The following POC1B variants were observed in gnomAD, a reference collection of about 807,000 sequenced individuals.
POC1B encodes POC1 centriolar protein homolog B.
A neutral mutation model predicts 60.6 loss-of-function variants in POC1B; 44 were observed. That is an observed-to-expected ratio of 0.73 (90% CI 0.57 to 0.93). The LOEUF (loss-of-function observed/expected upper bound fraction) is 0.93, where lower values mean the gene tolerates loss of function less well. Ranked by LOEUF, POC1B falls within the 40% of genes least tolerant of loss-of-function variation. The probability of loss-of-function intolerance (pLI) is 0.00; values close to 1 mark genes in which losing one functional copy is unlikely to be tolerated. For synonymous variants in POC1B, 180 were observed against 198.9 expected (o/e 0.90, Z 0.80); for missense variants, 555 against 572.3 (o/e 0.97, Z 0.31).
chr12:89,518,561 A>C (rs1255594744), intron 2 of POC1B, among the ~76,000 whole-genome samples: 2 of 114,014 alleles, frequency 1.8e-5, no homozygotes, highest in African/African-American at 7.4e-5. Context: ...TTTAAAGTAC[A>C]CCAGTGTTTT....
intron 4 of POC1B, chr12:89,472,772 G>C (rs941462250): frequency 6.5e-6 from 1 of 153,756 alleles, no homozygotes; most frequent in Admixed American, 6.5e-5. Context: ...GAACCTAACT[G>C]CCCATGCCTG....
At chr12:89,436,246 C>T (rs935342420) in intron 10 of POC1B, among the ~76,000 whole-genome samples, 9 of 151,796 alleles carry the variant, frequency 5.9e-5, no homozygotes, top group African/African-American at 1.7e-4. Context: ...ACACCGTGCA[C>T]GACCGCAGGA....
chr12:89,525,148 C>T lies in POC1B; in HGVS notation c.72G>A (p.Leu24=), dbSNP rs753318829. The change falls in exon 2 of 12, where the codon TTG becomes TTA. Residue 24 remains leucine, a synonymous_variant. Coordinates refer to ENST00000313546, the MANE Select transcript of POC1B (RefSeq NM_172240.3). ...GTTGCTTGCCGTTGGGGCTGAGGTC[C>T]AAGGAGGTGATCGCAGCTTTGTGGC... The part of the protein sequence containing the change: ...FKGHKAAITS[L]DLSPNGKQLA... 6.2e-7 allele frequency: 1 copy of T among 1,614,010 alleles called. No homozygotes were observed. Among genetic ancestry groups the T allele is most frequent in the South Asian group, 1.1e-5 (1 of 91,084 alleles).
Position 89,450,627 on chromosome 12 carries a change from C to T in POC1B, c.1113+9011G>A, listed in dbSNP as rs369005532. Among the ~76,000 whole-genome samples the T allele has an allele frequency of 9.9e-5, 15 of 152,210 alleles. No individual in the cohort carries two copies. The South Asian group carries it at 2.9e-3, about 29-fold the overall frequency. On this transcript the variant is annotated intron_variant, in intron 10 of 11. Coordinates refer to ENST00000313546, the MANE Select transcript of POC1B (RefSeq NM_172240.3). ...TACAAATAAACAGCAATCATGAACA[C>T]GTCAAAACTCACAAGTCACTAAAAA...
At chr12:89,477,224 C>G (rs1255797278) in intron 4 of POC1B, among the ~76,000 whole-genome samples, 1 of 152,066 alleles carries the variant, frequency 6.6e-6, no homozygotes, top group African/African-American at 2.4e-5. Flanking sequence ...AGTCAATAAG[C>G]AAAACATTTA....
At chr12:89,507,091 G>A (rs542723213) in intron 2 of POC1B, among the ~76,000 whole-genome samples, 4 of 151,344 alleles carry the variant, frequency 2.6e-5, no homozygotes, top group East Asian at 1.9e-4. Context: ...GCAACGTCTC[G>A]AAACCCCGTC....
chr12:89,523,643 G>A (rs758629788), intron 2 of POC1B: 3 of 1,538,496 alleles, frequency 1.9e-6, no homozygotes, highest in African/African-American at 1.4e-5. Context: ...GATCTGATGG[G>A]GTCAATTCTT....
At chr12:89,402,065 G>A in the POC1B span, among the ~76,000 whole-genome samples, 1 of 152,164 alleles carries the variant, frequency 6.6e-6, no homozygotes, top group Non-Finnish European at 1.5e-5. Flanking sequence ...GCTCACTGTA[G>A]GAAGCCTTGG....
At chr12:89,430,705 A>G (rs984561833) in intron 10 of POC1B, among the ~76,000 whole-genome samples, 4 of 151,958 alleles carry the variant, frequency 2.6e-5, no homozygotes, top group Admixed American at 6.6e-5. Flanking sequence ...ACTCCTTATT[A>G]TATTTGTGTT....
chr12:89,476,747 T>TAGACAGACAGACAGACAGAC (rs755421486), intron 4 of POC1B, among the ~76,000 whole-genome samples: 8 of 128,710 alleles, frequency 6.2e-5, no homozygotes, highest in African/African-American at 1.8e-4. Flanking sequence ...GATAGATAGA[T>TAGACAGACAGACAGACAGAC]AGATAGATAG....
At chr12:89,415,922 C>T (rs1169017072), downstream of POC1B, among the ~76,000 whole-genome samples, 2 of 152,208 alleles carry the variant, frequency 1.3e-5, no homozygotes, top group Non-Finnish European at 1.5e-5. Context: ...TAGCAGTGCC[C>T]ACTTAGCCCC....
intron 2 of POC1B, among the ~76,000 whole-genome samples, chr12:89,515,262 G>A (rs1415282733): frequency 6.6e-6 from 1 of 151,984 alleles, no homozygotes; most frequent in African/African-American, 2.4e-5. Context: ...AATTCAAGTG[G>A]AAACACAGAC....
rs1203539593 is a variant in POC1B, at chr12:89,466,892, A to G, written c.910T>C (p.Leu304=). 1 of 1,612,832 alleles carries G rather than the reference A, an allele frequency of 6.2e-7. No individual in the cohort carries two copies. Residue 304 remains leucine, a synonymous_variant, in exon 9 of 12, where the codon TTG becomes CTG. Transcript: ENST00000313546. The part of the protein sequence containing the change: ...VLLWRTNFDE[L]HCKGLTKRNL... ...CTTTTGGTAAGACCTTTACAATGCA[A>G]TTCATCAAAGTTAGTCCTCCATAAT...
At chr12:89,480,242 T>A (rs1276493204) in intron 4 of POC1B, among the ~76,000 whole-genome samples, 4 of 151,888 alleles carry the variant, frequency 2.6e-5, no homozygotes, top group Non-Finnish European at 4.4e-5. Flanking sequence ...GCTCAGGTGA[T>A]CCTCCCACCT....
At chr12:89,497,766 G>A (rs1278211704) in intron 2 of POC1B, among the ~76,000 whole-genome samples, 1 of 152,130 alleles carries the variant, frequency 6.6e-6, no homozygotes, top group African/African-American at 2.4e-5. Context: ...TTTTCAAACT[G>A]TTTATGTGGA....
intron 4 of POC1B, among the ~76,000 whole-genome samples, chr12:89,476,953 C>T (rs1883148704): frequency 6.6e-6 from 1 of 152,132 alleles, no homozygotes. Flanking sequence ...AACAGCTCTT[C>T]AGTAGTAGGA....
At chr12:89,483,216 T>TA (rs1868447142) in intron 4 of POC1B, among the ~76,000 whole-genome samples, 1 of 152,234 alleles carries the variant, frequency 6.6e-6, no homozygotes, top group Non-Finnish European at 1.5e-5. Context: ...ATTCTTTTTA[T>TA]AATGAGTGAG....
chr12:89,502,117 G>A, intron 2 of POC1B: 3 of 1,174,196 alleles, frequency 2.6e-6, no homozygotes, highest in Non-Finnish European at 3.8e-6. Flanking sequence ...GTCAAACTTG[G>A]ATTCTGGAGA....
intron 10 of POC1B, among the ~76,000 whole-genome samples, chr12:89,434,089 A>G (rs1464481447): frequency 1.3e-5 from 2 of 152,254 alleles, no homozygotes. Context: ...ACTTAAAAGT[A>G]TGACTAGGAT....
Sources: allele counts gnomAD v4.1 joint callset (sites outside exome capture counted in the v4.1 genomes callset), GRCh38; gene constraint gnomAD v4.1.1; transcripts MANE v1.5; gene names NCBI Gene and HGNC (gene_info 2026-07-23, HGNC 2026-07-21).